EXOC4: variants seen among roughly 807,000 people sequenced by gnomAD.
The protein encoded by EXOC4 is SEC8-like 1.
A neutral mutation model predicts 107.2 loss-of-function variants in EXOC4; 71 were observed. The ratio of observed to expected loss-of-function variants is 0.66; its 90% CI spans 0.55 to 0.81. EXOC4 has a LOEUF of 0.81. Among genes scored for constraint, EXOC4 ranks in the 30% least tolerant of loss-of-function variants. EXOC4 has a pLI of 0.00. For synonymous variants in EXOC4, 456 were observed against 441.2 expected, an observed-to-expected ratio of 1.03 and a Z score of -0.42; for missense variants, 1,108 against 1,189.6, an observed-to-expected ratio of 0.93 and a Z score of 1.01.
chr7:133,666,787 G>C (rs1466708153), intron 10 of EXOC4, among the ~76,000 whole-genome samples: 1 of 152,160 alleles, frequency 6.6e-6, no homozygotes, highest in Non-Finnish European at 1.5e-5. Flanking sequence ...TAGACTGATG[G>C]ATTAGGACCC....
At chr7:133,559,521 CTG>C (rs1469812087) in intron 9 of EXOC4, among the ~76,000 whole-genome samples, 1 of 152,136 alleles carries the variant, frequency 6.6e-6, no homozygotes, top group Non-Finnish European at 1.5e-5. Context: ...TTGAAATGCA[CTG>C]TGTTTCCCAA....
chr7:133,777,975 TA>T (rs1796381452), intron 10 of EXOC4, among the ~76,000 whole-genome samples: 1 of 152,206 alleles, frequency 6.6e-6, no homozygotes, highest in Non-Finnish European at 1.5e-5. Context: ...CTGTGCTAAT[TA>T]AAGCCTACAT....
chr7:133,815,741 C>T (rs145457838), intron 10 of EXOC4, among the ~76,000 whole-genome samples: 4 of 152,308 alleles, frequency 2.6e-5, no homozygotes, highest in Admixed American at 6.5e-5. Flanking sequence ...TCTTCATCCT[C>T]TGCATCCCTT....
downstream of EXOC4, among the ~76,000 whole-genome samples, chr7:134,069,450 T>C (rs1255780548): frequency 2.0e-5 from 3 of 149,704 alleles, no homozygotes; most frequent in Non-Finnish European, 3.0e-5. Flanking sequence ...CTCCTGCTCC[T>C]CCTCCTTCTC....
chr7:133,580,568 C>T (rs904865335), intron 9 of EXOC4, among the ~76,000 whole-genome samples: 5 of 152,126 alleles, frequency 3.3e-5, no homozygotes, highest in Middle Eastern at 3.2e-3. Context: ...GAGATTCAAA[C>T]GATTCAGAGA....
intron 2 of EXOC4, among the ~76,000 whole-genome samples, chr7:133,278,453 G>T (rs759995998): frequency 2.0e-5 from 3 of 152,130 alleles, no homozygotes; most frequent in Non-Finnish European, 4.4e-5. Context: ...TGCTGTTTTA[G>T]CTGGGTTGGC....
intron 9 of EXOC4, among the ~76,000 whole-genome samples, chr7:133,601,339 G>T (rs1264386214): frequency 1.3e-5 from 2 of 151,942 alleles, no homozygotes; most frequent in African/African-American, 2.4e-5. Flanking sequence ...AGGCCTGTAT[G>T]TATGTATGTA....
At chr7:133,909,036 G>T (rs2116593878) in intron 12 of EXOC4, among the ~76,000 whole-genome samples, 1 of 152,180 alleles carries the variant, frequency 6.6e-6, no homozygotes, top group Non-Finnish European at 1.5e-5. Flanking sequence ...CCCTCCATGT[G>T]TCCATGTGTT....
At chr7:133,452,158 C>G (rs144602604) in intron 7 of EXOC4, among the ~76,000 whole-genome samples, 6 of 151,854 alleles carry the variant, frequency 4.0e-5, no homozygotes, top group African/African-American at 1.4e-4. Context: ...TGGAAGGAAC[C>G]GAAGACAAAA....
At position 133,813,187 on chromosome 7, in the gene EXOC4, C is replaced by G. The variant is rs567479260; in HGVS notation, c.1515-4138C>G. On this transcript the variant is annotated intron_variant, in intron 10 of 17. Transcript: ENST00000253861. ...TCACTCAGCCAAAAGCGATGGGGGC[C>G]CCTTTGTCTGTGCTGCTCAGCACAG... Among the ~76,000 whole-genome samples the G allele has an allele frequency of 7.2e-5, 11 of 152,158 alleles. No homozygotes were observed. In the South Asian group the frequency reaches 2.3e-3, roughly 32 times the overall value.
intron 7 of EXOC4, among the ~76,000 whole-genome samples, chr7:133,398,480 C>T (rs17654334): frequency 0.14 from 21,637 of 152,118 alleles, 1,911 homozygotes; most frequent in Non-Finnish European, 0.19. Flanking sequence ...AGTGATTTTG[C>T]ATGTAAACCT....
At chr7:133,362,761 T>A (rs775837888) in intron 6 of EXOC4, among the ~76,000 whole-genome samples, 128 of 152,280 alleles carry the variant, frequency 8.4e-4, no homozygotes, top group Non-Finnish European at 1.6e-3. Flanking sequence ...TGCTCATGAT[T>A]TTTTTTAGAC....
chr7:133,583,597 C>A (rs112339963), intron 9 of EXOC4, among the ~76,000 whole-genome samples: 1 of 152,040 alleles, frequency 6.6e-6, no homozygotes, highest in African/African-American at 2.4e-5. Flanking sequence ...ATATATGAAG[C>A]TTCTAAAATT....
chr7:133,585,549 C>G (rs1216079630), intron 9 of EXOC4, among the ~76,000 whole-genome samples: 1 of 151,782 alleles, frequency 6.6e-6, no homozygotes, highest in Admixed American at 6.6e-5. Context: ...TCACTTGAGC[C>G]TGGAAGATTG....
At chr7:133,259,303 G>T (rs1278066933) in intron 1 of EXOC4, among the ~76,000 whole-genome samples, 1 of 148,858 alleles carries the variant, frequency 6.7e-6, no homozygotes, top group African/African-American at 2.5e-5. Context: ...CGCCATCTCA[G>T]CTCTCTGCAG....
downstream of EXOC4, chr7:134,066,016 G>C (rs1168831353): frequency 1.3e-5 from 2 of 152,270 alleles, no homozygotes; most frequent in Non-Finnish European, 2.9e-5. Context: ...GGATTCTGGT[G>C]GGAAAGAATG....
intron 14 of EXOC4, among the ~76,000 whole-genome samples, chr7:133,947,115 T>A (rs755403692): frequency 3.9e-5 from 6 of 152,230 alleles, no homozygotes; most frequent in African/African-American, 7.2e-5. Context: ...TCTTCTCACC[T>A]GTTAAATACA....
intron 10 of EXOC4, among the ~76,000 whole-genome samples, chr7:133,763,757 T>C (rs987791169): frequency 2.0e-5 from 3 of 151,900 alleles, no homozygotes; most frequent in Non-Finnish European, 1.5e-5. Flanking sequence ...AATTATAGTT[T>C]TTGTTTTGTT....
chr7:133,675,911 G>A (rs1349720212), intron 10 of EXOC4, among the ~76,000 whole-genome samples: 1 of 152,050 alleles, frequency 6.6e-6, no homozygotes, highest in Non-Finnish European at 1.5e-5. Flanking sequence ...TGCACCATTT[G>A]GTTCTCTTCT....
Sources: allele counts gnomAD v4.1 joint callset (sites outside exome capture counted in the v4.1 genomes callset), GRCh38; gene constraint gnomAD v4.1.1; transcripts MANE v1.5; gene names NCBI Gene and HGNC (gene_info 2026-07-23, HGNC 2026-07-21).